The following MYCBP2 variants were observed in gnomAD, a reference collection of about 807,000 sequenced individuals.
MYCBP2 encodes E3 ubiquitin-protein ligase MYCBP2.
MYCBP2 carries 120 observed loss-of-function variants against 525.3 expected under a neutral mutation model. The ratio of observed to expected loss-of-function variants is 0.23; its 90% CI spans 0.20 to 0.27. MYCBP2 has a LOEUF of 0.27. Ranked by LOEUF, MYCBP2 falls within the 10% of genes least tolerant of loss-of-function variation. The pLI is 1.00. For synonymous variants in MYCBP2, 1,894 were observed against 1,955.8 expected, an observed-to-expected ratio of 0.97 and a Z score of 0.83; for missense variants, 4,149 against 5,657.1, an observed-to-expected ratio of 0.73 and a Z score of 8.55.
chr13:77,311,171 C>G (rs2080153034), intron 1 of MYCBP2, among the ~76,000 whole-genome samples: 1 of 152,120 alleles, frequency 6.6e-6, no homozygotes, highest in Non-Finnish European at 1.5e-5. Context: ...AGTTAAAACT[C>G]TTTCTGGCCA....
chr13:77,056,323 T>C (rs993268410), intron 79 of MYCBP2, among the ~76,000 whole-genome samples: 8 of 152,162 alleles, frequency 5.3e-5, no homozygotes, highest in African/African-American at 1.9e-4. Context: ...TAGACAATGA[T>C]TGTGCTAAGT....
At position 77,165,068 on chromosome 13, in the gene MYCBP2, G is replaced by A. The variant is rs911391713; in HGVS notation, c.6459+205C>T. On this transcript the variant is annotated intron_variant, in intron 42 of 82. Transcript: ENST00000544440. ...ATTTTTTTTGTAGAGAAAGGATTTC[G>A]ATATATTGCCTAGGCTGGTCTCAAA... Among the ~76,000 whole-genome samples, 6 of 152,122 alleles carry A rather than the reference G, an allele frequency of 3.9e-5. No individual in the cohort carries two copies. The South Asian group carries it at 6.2e-4, about 16-fold the overall frequency.
At chr13:77,278,184 T>C (rs1029312671) in intron 4 of MYCBP2, among the ~76,000 whole-genome samples, 1 of 152,244 alleles carries the variant, frequency 6.6e-6, no homozygotes, top group Admixed American at 6.5e-5. Flanking sequence ...GTGGCATTTA[T>C]TTCCTTTTCC....
rs1566415338 is a variant in MYCBP2, at chr13:77,077,326, T to A, written c.11546A>T (p.His3849Leu). Residue 3849 changes from histidine (H) to leucine (L), a missense_variant, in exon 67 of 83, where the codon CAC becomes CTC. Coordinates refer to ENST00000544440, the MANE Select transcript of MYCBP2 (RefSeq NM_015057.5). ...VTSELPGGDNHIIKIELKGPE... is the reference protein window; with the variant it reads ...VTSELPGGDNLIIKIELKGPE... The stretch of plus-strand genomic sequence containing the variant: ...GCCTTTTAATTCAATTTTTATGATG[T>A]GATTATCCCCTCCTGGAAGTTCACT... 1 of 1,613,920 alleles carries A rather than the reference T, an allele frequency of 6.2e-7. No individual in the cohort carries two copies. The highest frequency in any genetic ancestry group is 1.7e-5 in the Admixed American group (1 of 59,970).
At position 77,316,962 on chromosome 13, in the gene MYCBP2, T is replaced by TG. The variant is rs398117589; in HGVS notation, c.302+9511dup. 2.0e-5 allele frequency among the ~76,000 whole-genome samples: 3 copies of TG among 151,876 alleles called. No individual in the cohort carries two copies. In the East Asian group the frequency reaches 5.8e-4, roughly 29 times the overall value. Reference sequence around the variant, plus strand: ...ACTTCTTTTTTTGTTGTTTTTTTTTTGTTTTGAGATGGAGTCTTGCTCTAT... The same window carrying TG: ...ACTTCTTTTTTTGTTGTTTTTTTTTTGGTTTTGAGATGGAGTCTTGCTCTAT... On this transcript the variant is annotated intron_variant, in intron 1 of 82. Coordinates refer to ENST00000544440, the MANE Select transcript of MYCBP2 (RefSeq NM_015057.5).
intron 30 of MYCBP2, among the ~76,000 whole-genome samples, chr13:77,187,995 CAG>C (rs2060899078): frequency 6.7e-6 from 1 of 149,122 alleles, no homozygotes; most frequent in Admixed American, 6.8e-5. Context: ...TGCTTGAACT[CAG>C]GACGCGGAGG....
At chr13:77,276,531 G>C (rs2075607607) in intron 4 of MYCBP2, among the ~76,000 whole-genome samples, 1 of 152,282 alleles carries the variant, frequency 6.6e-6, no homozygotes, top group East Asian at 1.9e-4. Flanking sequence ...GCAGTGACGA[G>C]ATCAGCAGTA....
chr13:77,083,689 G>C (rs984741735), intron 62 of MYCBP2, among the ~76,000 whole-genome samples: 1 of 152,022 alleles, frequency 6.6e-6, no homozygotes, highest in Non-Finnish European at 1.5e-5. Flanking sequence ...AAGAGAAGTA[G>C]GGGTTGAATT....
intron 55 of MYCBP2, 40 bp downstream of exon 55, chr13:77,121,333 T>C (rs370956440): frequency 7.7e-6 from 11 of 1,437,340 alleles, no homozygotes; most frequent in South Asian, 6.5e-5. Context: ...TAAAAAATAT[T>C]GAAGTTAGGT....
Position 77,098,964 on chromosome 13 carries a change from T to C in MYCBP2, c.8190A>G (p.Gly2730=). 1 of 1,612,368 alleles carries C rather than the reference T, an allele frequency of 6.2e-7. No homozygotes were observed. The highest frequency in any genetic ancestry group is 8.5e-7 in the Non-Finnish European group (1 of 1,179,660). Residue 2730 remains glycine, a synonymous_variant, in exon 56 of 83, where the codon GGA becomes GGG. Coordinates refer to ENST00000544440, the MANE Select transcript of MYCBP2 (RefSeq NM_015057.5). ...STSSKPASTS[G]KSELSSKHSR... ...TGTGTTTAGAGGACAGCTCTGATTT[T>C]CCTGATGTAGAGGCTGGTTTAGAAG...
In MYCBP2 at chr13:77,067,658, G is replaced by C. The variant is rs567951772; in HGVS notation, c.12378C>G (p.Thr4126=). ...ALTVQLKAKG[T]TITGTAGTTV... is the part of the protein sequence containing the mutation. ...TGGTACCAGCTGTTCCAGTGATGGT[G>C]GTTCCTTTGGCTTTTAGCTGTACAG... The change falls in exon 71 of 83, where the codon ACC becomes ACG. Residue 4126 remains threonine (T), a synonymous_variant. Coordinates refer to ENST00000544440, the MANE Select transcript of MYCBP2 (RefSeq NM_015057.5). 18 of 1,614,146 alleles carry C rather than the reference G, an allele frequency of 1.1e-5. No individual in the cohort carries two copies. In the South Asian group the frequency reaches 2.0e-4, roughly 18 times the overall value.
In MYCBP2 at chr13:77,083,038, G is replaced by A. The variant is rs756209448; in HGVS notation, c.11030C>T (p.Ala3677Val). Residue 3677 changes from alanine (A) to valine (V), a missense_variant, in exon 63 of 83, where the codon GCC (alanine) becomes GTC (valine). This residue lies in a region of MYCBP2 where 509 missense variants were observed against 789.4 expected (regional missense o/e 0.64). Coordinates refer to ENST00000544440, the MANE Select transcript of MYCBP2 (RefSeq NM_015057.5). ...ATGTGGATACCAAAATTACCTCAGGGCCATTTGCTGTAATGAACTGCCGCT... is the reference window on the plus strand; with the variant it reads ...ATGTGGATACCAAAATTACCTCAGGACCATTTGCTGTAATGAACTGCCGCT... ...LPSGSSLQQM[A>V]LRCWSLKFKQ... 1.2e-6 allele frequency: 2 copies of A among 1,612,066 alleles called. No individual in the cohort carries two copies. Among genetic ancestry groups the A allele is most frequent in the Admixed American group, 1.7e-5 (1 of 59,760 alleles).
rs374737921 is a variant in MYCBP2, at chr13:77,174,273, C to T, written c.5651+38G>A. On this transcript the variant is annotated intron_variant, in intron 37 of 82. Transcript: ENST00000544440. Reference sequence around the variant, plus strand: ...GTAGTAGACTGTGTATGTTCTACCACTGTAAAGTATTTCCGTTATCTCTAT... The same window carrying T: ...GTAGTAGACTGTGTATGTTCTACCATTGTAAAGTATTTCCGTTATCTCTAT... 5 of 1,601,634 alleles carry T rather than the reference C, an allele frequency of 3.1e-6. No individual in the cohort carries two copies. In the African/African-American group the frequency reaches 4.0e-5, roughly 13 times the overall value.
chr13:77,112,231 T>G (rs1263627308), intron 55 of MYCBP2, among the ~76,000 whole-genome samples: 4 of 150,444 alleles, frequency 2.7e-5, no homozygotes, highest in African/African-American at 9.7e-5. Flanking sequence ...TAACTATTTA[T>G]GATCCCACTT....
At position 77,087,646 on chromosome 13, in the gene MYCBP2, C is replaced by A. The variant is rs372434186; in HGVS notation, c.10726-13G>T. ...GCCAGTTGAAAGCCTGAAGAAATGA[C>A]GGTTAAATGAGTTCAAGAATAAAAT... On this transcript the variant is annotated splice_polypyrimidine_tract_variant and intron_variant, in intron 61 of 82. Coordinates refer to ENST00000544440, the MANE Select transcript of MYCBP2 (RefSeq NM_015057.5). The A allele has an allele frequency of 4.6e-5, 73 of 1,601,996 alleles. No homozygotes were observed. Among genetic ancestry groups the A allele is most frequent in the Non-Finnish European group, 5.7e-5 (67 of 1,174,242 alleles).
rs1213401618 is a variant in MYCBP2, at chr13:77,166,528, C to A, written c.6141G>T (p.Trp2047Cys). 6.2e-7 allele frequency: 1 copy of A among 1,612,844 alleles called. No individual in the cohort carries two copies. Among genetic ancestry groups the A allele is most frequent in the Non-Finnish European group, 8.5e-7 (1 of 1,179,392 alleles). The change falls in exon 41 of 83, where the codon TGG becomes TGT. Residue 2047 changes from tryptophan (W) to cysteine (C), a missense_variant. By Grantham distance (215) the Trp-to-Cys change is radical. Around this residue, in one of 21 missense-constraint regions of MYCBP2, gnomAD observed 692 missense variants for 852.7 expected, o/e 0.81. Transcript: ENST00000544440. ...YKVTFPECVR[W>C]MTIEFDPQCG... ...ACTGAGGGTCAAATTCGATTGTCAT[C>A]CACCTCACACATTCTGGGAATGTCA... is the stretch of plus-strand genomic sequence containing the variant.
Position 77,154,603 on chromosome 13 carries a change from T to C in MYCBP2, c.6915+1455A>G, listed in dbSNP as rs908084145. Among the ~76,000 whole-genome samples the C allele has an allele frequency of 5.3e-5, 8 of 152,096 alleles. No homozygotes were observed. In the South Asian group the frequency reaches 1.7e-3, roughly 31 times the overall value. On this transcript the variant is annotated intron_variant, in intron 46 of 82. Transcript: ENST00000544440. Reference sequence around the variant, plus strand: ...AAGAAATATCAGAAGCGTAACAGTATGAACATGGTATTAGAATGTTGTCAC... The same window carrying C: ...AAGAAATATCAGAAGCGTAACAGTACGAACATGGTATTAGAATGTTGTCAC...
intron 39 of MYCBP2, 38 bp downstream of exon 39, chr13:77,169,575 TA>T (rs759882750): frequency 9.7e-6 from 15 of 1,548,372 alleles, no homozygotes; most frequent in African/African-American, 5.5e-5. Flanking sequence ...AAAAGATATT[TA>T]AAAAAAACAT....
intron 43 of MYCBP2, 133 bp downstream of exon 43, chr13:77,164,321 C>A: frequency 1.6e-6 from 1 of 633,410 alleles, no homozygotes; most frequent in Non-Finnish European, 2.8e-6. Context: ...ATTACCAGTA[C>A]ATGAAGCAGT....
Sources: gnomAD v4.1 joint callset for allele counts (sites outside exome capture counted in the v4.1 genomes callset) on GRCh38, gnomAD v4.1.1 for gene constraint, gnomAD v4.1.1 regional missense constraint, MANE v1.5 for transcripts, NCBI Gene and HGNC (gene_info 2026-07-23, HGNC 2026-07-21) for gene names.